The following PCDHA9 variants were observed in gnomAD, a reference collection of about 807,000 sequenced individuals.
The protein encoded by PCDHA9 is protocadherin alpha-9.
Under a neutral mutation model 62.0 loss-of-function variants are expected in PCDHA9, and 62 were observed. That is an observed-to-expected ratio of 1.00 (90% CI 0.81 to 1.23). The LOEUF is 1.23. PCDHA9 is among the 50% of genes most tolerant of loss of function. PCDHA9 has a pLI of 0.00. For synonymous variants in PCDHA9, 557 were observed against 567.6 expected, an observed-to-expected ratio of 0.98 and a Z score of 0.27; for missense variants, 1,205 against 1,249.8, an observed-to-expected ratio of 0.96 and a Z score of 0.54.
At chr5:140,965,496 ATT>A (rs71766133) in intron 1 of PCDHA9, among the ~76,000 whole-genome samples, 87 of 146,352 alleles carry the variant, frequency 5.9e-4, no homozygotes, top group Middle Eastern at 3.6e-3. Context: ...ATGACAGCAG[ATT>A]TTTTTTTTTT....
intron 1 of PCDHA9, chr5:140,877,291 C>T (rs527823173): frequency 6.2e-7 from 1 of 1,613,932 alleles, no homozygotes; most frequent in Non-Finnish European, 8.5e-7. Context: ...TAACGCTTGG[C>T]TGTCCTACGA....
intron 1 of PCDHA9, chr5:140,927,292 C>A: frequency 6.2e-7 from 1 of 1,614,162 alleles, no homozygotes; most frequent in East Asian, 2.2e-5. Flanking sequence ...GCTGCACATC[C>A]CCGAGTTCCT....
At chr5:140,946,077 C>T (rs246055) in intron 1 of PCDHA9, among the ~76,000 whole-genome samples, 85,716 of 151,878 alleles carry the variant, frequency 0.56, 24,786 homozygotes, top group African/African-American at 0.69. Context: ...TTGCAAACCA[C>T]AGATCTGATA....
In PCDHA9 at chr5:140,857,548, G is replaced by C. The variant is rs782667639; in HGVS notation, c.2394+6659G>C. Reference sequence around the variant, plus strand: ...CTCTGGTGGAGCGGCGGTTGGGCGAGCGCTCGCTGTCGAGCTACGTGTCGG... The same window carrying C: ...CTCTGGTGGAGCGGCGGTTGGGCGACCGCTCGCTGTCGAGCTACGTGTCGG... On this transcript the variant is annotated intron_variant, in intron 1 of 3. Coordinates refer to ENST00000532602, the MANE Select transcript of PCDHA9 (RefSeq NM_031857.2). The C allele has an allele frequency of 5.1e-5, 81 of 1,596,888 alleles. 3 individuals are homozygous for C. In the Middle Eastern group the frequency reaches 9.5e-4, roughly 19 times the overall value.
intron 1 of PCDHA9, among the ~76,000 whole-genome samples, chr5:140,954,151 A>G (rs2094989173): frequency 6.6e-6 from 1 of 152,226 alleles, no homozygotes; most frequent in Admixed American, 6.5e-5. Context: ...TCCATGGTGT[A>G]TATGTACCAC....
chr5:140,870,242 T>A (rs1554163936), intron 1 of PCDHA9: 1 of 1,614,142 alleles, frequency 6.2e-7, no homozygotes, highest in East Asian at 2.2e-5. Flanking sequence ...GACTCAGGTG[T>A]CAACGGACAG....
At chr5:140,955,823 T>C (rs1189753862) in intron 1 of PCDHA9, among the ~76,000 whole-genome samples, 1 of 152,208 alleles carries the variant, frequency 6.6e-6, no homozygotes, top group African/African-American at 2.4e-5. Flanking sequence ...GTGATTTCCT[T>C]GAGCAGTGGT....
At position 140,966,546 on chromosome 5, in the gene PCDHA9, C is replaced by G. The variant is rs549303882; in HGVS notation, c.2395-12403C>G. The G allele has an allele frequency of 3.9e-5, 18 of 466,228 alleles. No individual in the cohort carries two copies. The Admixed American group carries it at 6.1e-4, about 16-fold the overall frequency. 28.9% of individuals were successfully genotyped at this position (466,228 alleles called of 1,614,324 possible). On this transcript the variant is annotated intron_variant, in intron 1 of 3. Coordinates refer to ENST00000532602, the MANE Select transcript of PCDHA9 (RefSeq NM_031857.2). ...CGAGCCGGGTTGAGCGACTCGGAGGCGAGCGGAGGAGCTGGAATATGGGGA... is the reference window on the plus strand; with the variant it reads ...CGAGCCGGGTTGAGCGACTCGGAGGGGAGCGGAGGAGCTGGAATATGGGGA...
At chr5:140,924,227 TA>T (rs2153571643) in intron 1 of PCDHA9, among the ~76,000 whole-genome samples, 1 of 152,354 alleles carries the variant, frequency 6.6e-6, no homozygotes, top group East Asian at 1.9e-4. Flanking sequence ...GTTCAATTTT[TA>T]TGGGCTGTTT....
At chr5:140,883,551 G>C (rs375469569) in intron 1 of PCDHA9, 16 of 1,614,234 alleles carry the variant, frequency 9.9e-6, no homozygotes, top group Middle Eastern at 1.7e-4. Flanking sequence ...GTGACCGCGC[G>C]GGACGGGGGC....
intron 1 of PCDHA9, chr5:140,967,880 A>G (rs782459653): frequency 4.3e-6 from 7 of 1,614,060 alleles, no homozygotes; most frequent in Non-Finnish European, 2.5e-6. Context: ...GGACCTGTAT[A>G]GCCCAGTGCC....
intron 1 of PCDHA9, among the ~76,000 whole-genome samples, chr5:140,907,439 A>G (rs1217956706): frequency 6.6e-6 from 1 of 152,250 alleles, no homozygotes; most frequent in Admixed American, 6.5e-5. Context: ...CTGTGAGTCC[A>G]CAGATGGTAA....
At chr5:140,882,070 C>A in intron 1 of PCDHA9, 1 of 854,286 alleles carries the variant, frequency 1.2e-6, no homozygotes, top group Non-Finnish European at 1.8e-6. Context: ...CGTTCATGCG[C>A]ATGGTGTCGC....
intron 1 of PCDHA9, chr5:140,857,944 G>T: frequency 6.3e-7 from 1 of 1,597,474 alleles, no homozygotes. Context: ...AGATCAGTAC[G>T]ACGCGCGCTC....
intron 1 of PCDHA9, chr5:140,968,527 G>T: frequency 3.1e-6 from 5 of 1,614,142 alleles, no homozygotes; most frequent in Non-Finnish European, 4.2e-6. Flanking sequence ...CAACCAACTC[G>T]TCAGCAGCCT....
intron 1 of PCDHA9, among the ~76,000 whole-genome samples, chr5:140,893,393 C>T (rs1358613018): frequency 6.6e-6 from 1 of 152,144 alleles, no homozygotes; most frequent in Non-Finnish European, 1.5e-5. Context: ...TGGCTCATGC[C>T]TGTAATCCCA....
At chr5:140,949,826 T>G (rs954476311) in intron 1 of PCDHA9, among the ~76,000 whole-genome samples, 2 of 151,922 alleles carry the variant, frequency 1.3e-5, no homozygotes, top group Non-Finnish European at 2.9e-5. Flanking sequence ...ATTTGTCCCC[T>G]CTGATTTTGT....
In PCDHA9 at chr5:140,970,051, C is replaced by T. The variant is rs915260486; in HGVS notation, c.2395-8898C>T. 4.0e-5 allele frequency among the ~76,000 whole-genome samples: 6 copies of T among 151,880 alleles called. No individual in the cohort carries two copies. The South Asian group carries it at 1.2e-3, about 32-fold the overall frequency. On this transcript the variant is annotated intron_variant, in intron 1 of 3. Coordinates refer to ENST00000532602, the MANE Select transcript of PCDHA9 (RefSeq NM_031857.2). Reference sequence around the variant, plus strand: ...TTAAGTACCAATTTGTCTGGTTGGTCCAGGGAGGTATTAGAATGAGTGGAT... The same window carrying T: ...TTAAGTACCAATTTGTCTGGTTGGTTCAGGGAGGTATTAGAATGAGTGGAT...
At chr5:140,923,116 T>C (rs1418111802) in intron 1 of PCDHA9, among the ~76,000 whole-genome samples, 1 of 152,216 alleles carries the variant, frequency 6.6e-6, no homozygotes, top group African/African-American at 2.4e-5. Flanking sequence ...TTTAAGTTTT[T>C]AGGGTCACAC....
Sources: allele counts gnomAD v4.1 joint callset (sites outside exome capture counted in the v4.1 genomes callset), GRCh38; gene constraint gnomAD v4.1.1; transcripts MANE v1.5; gene names NCBI Gene and HGNC (gene_info 2026-07-23, HGNC 2026-07-21).